The following TPST2 variants were observed in gnomAD, a reference collection of about 807,000 sequenced individuals.
TPST2 encodes the protein protein-tyrosine sulfotransferase 2.
In TPST2, 16 loss-of-function variants were observed where a neutral mutation model predicts 27.8. The ratio of observed to expected loss-of-function variants is 0.58; its 90% CI spans 0.39 to 0.88. TPST2 has a LOEUF of 0.88. Ranked by LOEUF, TPST2 falls within the 40% of genes least tolerant of loss-of-function variation. TPST2 has a pLI of 0.00. For missense variants in TPST2, 464 were observed against 543.1 expected (o/e 0.85, Z 1.45); for synonymous variants, 229 against 231.7 (o/e 0.99, Z 0.10).
chr22:26,527,928 G>A (rs1019975109), intron 6 of TPST2, among the ~76,000 whole-genome samples: 3 of 152,188 alleles, frequency 2.0e-5, no homozygotes, highest in Admixed American at 1.3e-4. Flanking sequence ...CATCATAGTG[G>A]TGCTTCCTGC....
Position 26,524,731 on chromosome 22 carries a change from T to C in TPST2, c.*1544A>G, listed in dbSNP as rs1381309991. ...AACCCTTAAAGATACAAACTTATTGTAGGCCCAGTTGGTCCCTCAGCATTT... is the reference window on the plus strand; with the variant it reads ...AACCCTTAAAGATACAAACTTATTGCAGGCCCAGTTGGTCCCTCAGCATTT... On this transcript the variant is annotated 3_prime_UTR_variant, in exon 7 of 7. Coordinates refer to ENST00000338754, the MANE Select transcript of TPST2 (RefSeq NM_003595.5). The C allele has an allele frequency of 6.6e-6, 1 of 152,230 alleles. No homozygotes were observed. The highest frequency in any genetic ancestry group is 1.9e-4 in the East Asian group (1 of 5,198). 9.4% of individuals were successfully genotyped at this position (152,230 alleles called of 1,614,324 possible). A position where few individuals can be genotyped will look rare whatever the true frequency, so the allele number is the denominator to read the frequency against.
intron 1 of TPST2, among the ~76,000 whole-genome samples, chr22:26,566,851 T>C (rs1927402424): frequency 6.6e-6 from 1 of 152,166 alleles, no homozygotes; most frequent in African/African-American, 2.4e-5. Context: ...GCTCATATCG[T>C]ATTGTAATTG....
At chr22:26,559,028 T>C (rs901225561) in intron 1 of TPST2, among the ~76,000 whole-genome samples, 2 of 152,264 alleles carry the variant, frequency 1.3e-5, no homozygotes, top group African/African-American at 4.8e-5. Context: ...ATAACAGCTT[T>C]ACTGAGGGAC....
At chr22:26,588,299 AGTATATGACT>A (rs1239401811) in intron 1 of TPST2, among the ~76,000 whole-genome samples, 1 of 152,242 alleles carries the variant, frequency 6.6e-6, no homozygotes, top group Non-Finnish European at 1.5e-5. Flanking sequence ...AAGGCCACAT[AGTATATGACT>A]GCATTTATAT....
intron 1 of TPST2, among the ~76,000 whole-genome samples, chr22:26,582,466 C>G (rs2145939473): frequency 6.6e-6 from 1 of 152,216 alleles, no homozygotes. Flanking sequence ...AACACAGAAT[C>G]TGCACTTTAA....
intron 1 of TPST2, among the ~76,000 whole-genome samples, chr22:26,571,706 A>G (rs1186381818): frequency 2.0e-5 from 3 of 152,118 alleles, no homozygotes; most frequent in African/African-American, 7.2e-5. Context: ...AACTCAACAC[A>G]ATCAACCTAA....
intron 1 of TPST2, among the ~76,000 whole-genome samples, chr22:26,563,959 T>C (rs531519598): frequency 5.7e-4 from 87 of 152,238 alleles, no homozygotes; most frequent in Admixed American, 1.4e-3. Flanking sequence ...GTCGGCGGGC[T>C]CAGGGGCCAC....
chr22:26,553,000 CAGTGAGCTGAGATTGT>C (rs1926565081), intron 1 of TPST2, among the ~76,000 whole-genome samples: 1 of 136,940 alleles, frequency 7.3e-6, no homozygotes, highest in Non-Finnish European at 1.5e-5. Flanking sequence ...GCGGAGGTTG[CAGTGAGCTGAGATTGT>C]GCCATTGTAC....
chr22:26,582,224 T>G (rs539087063), intron 1 of TPST2, among the ~76,000 whole-genome samples: 1 of 152,224 alleles, frequency 6.6e-6, no homozygotes, highest in East Asian at 1.9e-4. Context: ...GTCAGGAGTT[T>G]GAGACCAGGC....
chr22:26,574,582 G>A (rs1927756770), intron 1 of TPST2, among the ~76,000 whole-genome samples: 1 of 152,334 alleles, frequency 6.6e-6, no homozygotes, highest in South Asian at 2.1e-4. Flanking sequence ...GTATTTGGGA[G>A]GCGACTGGCT....
At chr22:26,584,414 A>G (rs1928253826) in intron 1 of TPST2, among the ~76,000 whole-genome samples, 2 of 152,180 alleles carry the variant, frequency 1.3e-5, no homozygotes, top group African/African-American at 4.8e-5. Flanking sequence ...TTTATTCAGA[A>G]TAGTTATAAC....
chr22:26,541,008 C>T lies in TPST2; in HGVS notation c.623G>A (p.Arg208His), dbSNP rs370065051. Reference protein sequence around the residue: ...TIAGFDLSSYRDCLTKWNKAI... With the variant: ...TIAGFDLSSYHDCLTKWNKAI... ...CTTGTTCCACTTGGTGAGGCAGTCA[C>T]GGTAGCTGCTGAGGTCAAAGCCCGC... Residue 208 changes from arginine (R) to histidine (H), a missense_variant, in exon 3 of 7, where the codon CGT (arginine) becomes CAT (histidine). Transcript: ENST00000338754. This position sits in a 1 kb window ranked among gnomAD's most constrained non-coding sequence, Gnocchi z 5.9. 8 of 1,613,992 alleles carry T rather than the reference C, an allele frequency of 5.0e-6. No individual in the cohort carries two copies. Among genetic ancestry groups the T allele is most frequent in the African/African-American group, 2.7e-5 (2 of 74,924 alleles).
chr22:26,561,187 T>C, intron 1 of TPST2: 3 of 1,571,782 alleles, frequency 1.9e-6, no homozygotes, highest in South Asian at 2.4e-5. Context: ...GTTTTTTTTT[T>C]CTTGTCTATA....
At chr22:26,549,813 G>A (rs1162962820) in intron 1 of TPST2, among the ~76,000 whole-genome samples, 3 of 147,728 alleles carry the variant, frequency 2.0e-5, no homozygotes, top group African/African-American at 2.5e-5. Context: ...GGTGGATCAC[G>A]AAGTCAGGAG....
rs369539546 is a variant in TPST2 at position 26,541,319 on chromosome 22, C to T, written c.312G>A (p.Pro104=). The change falls in exon 3 of 7, where the codon CCG becomes CCA. Residue 104 remains proline (P), a synonymous_variant. Coordinates refer to ENST00000338754, the MANE Select transcript of TPST2 (RefSeq NM_003595.5). The surrounding 1 kb of genome is among the most constrained non-coding windows in gnomAD (Gnocchi z 5.9). ...VRCGEETRII[P]RVLAMRQAWS... Reference sequence around the variant, plus strand: ...AGGCCTGGCGCATGGCCAGCACGCGCGGGATGATGCGGGTCTCCTCGCCGC... The same window carrying T: ...AGGCCTGGCGCATGGCCAGCACGCGTGGGATGATGCGGGTCTCCTCGCCGC... 1.2e-5 allele frequency: 18 copies of T among 1,545,126 alleles called. No homozygotes were observed. Among genetic ancestry groups the T allele is most frequent in the Admixed American group, 1.2e-4 (6 of 51,944 alleles).
In TPST2 at chr22:26,522,923, A is replaced by G. The variant is rs781634974; in HGVS notation, c.*3352T>C. On this transcript the variant is annotated 3_prime_UTR_variant, in exon 7 of 7. Transcript: ENST00000338754. ...GATTCCCCTCTTTACAAAAAATAAA[A>G]AGTTAGGTAGGTGTCATGGTCCAGC... 6.6e-6 allele frequency: 1 copy of G among 152,108 alleles called. No individual in the cohort carries two copies. The highest frequency in any genetic ancestry group is 1.5e-5 in the Non-Finnish European group (1 of 68,080). The allele number at this position is 152,108 out of a possible 1,614,324, so 9.4% of individuals were successfully genotyped here.
chr22:26,528,695 T>C (rs764291593), intron 5 of TPST2, among the ~76,000 whole-genome samples: 17 of 152,114 alleles, frequency 1.1e-4, no homozygotes, highest in Non-Finnish European at 1.9e-4. Context: ...GGAATAAGGG[T>C]ATCTTGGCCG....
intron 1 of TPST2, among the ~76,000 whole-genome samples, chr22:26,586,588 A>T (rs1928356569): frequency 6.6e-6 from 1 of 152,204 alleles, no homozygotes; most frequent in Admixed American, 6.5e-5. Flanking sequence ...AGGATTTTAA[A>T]AGGACAAGGA....
intron 1 of TPST2, among the ~76,000 whole-genome samples, chr22:26,585,878 G>A (rs564160488): frequency 6.6e-6 from 1 of 152,158 alleles, no homozygotes; most frequent in Admixed American, 6.5e-5. Flanking sequence ...GGGAAACCCT[G>A]TCTCCACTAA....
Sources: allele counts gnomAD v4.1 joint callset (sites outside exome capture counted in the v4.1 genomes callset), GRCh38; gene constraint gnomAD v4.1.1; non-coding constraint Gnocchi (gnomAD v3.1); transcripts MANE v1.5; gene names NCBI Gene and HGNC (gene_info 2026-07-23, HGNC 2026-07-21).